BAZ2B: variants seen among roughly 807,000 people sequenced by gnomAD.
BAZ2B encodes the protein bromodomain adjacent to zinc finger domain 2B.
BAZ2B carries 91 observed loss-of-function variants against 246.0 expected under a neutral mutation model. That is an observed-to-expected ratio of 0.37 (90% CI 0.31 to 0.44). BAZ2B has a LOEUF of 0.44. Ranked by LOEUF, BAZ2B falls within the 20% of genes least tolerant of loss-of-function variation. The probability of loss-of-function intolerance (pLI) is 1.00; values close to 1 mark genes in which losing one functional copy is unlikely to be tolerated. For synonymous variants in BAZ2B, 855 were observed against 860.0 expected, an observed-to-expected ratio of 0.99 and a Z score of 0.10; for missense variants, 2,332 against 2,533.7, an observed-to-expected ratio of 0.92 and a Z score of 1.71.
chr2:159,615,230 T>G (rs1034651168), intron 1 of BAZ2B: 2 of 146,874 alleles, frequency 1.4e-5, no homozygotes, highest in African/African-American at 5.0e-5. Context: ...CAAATCCCAA[T>G]TCTGGGGTTC....
chr2:159,623,204 G>A, the BAZ2B span, among the ~76,000 whole-genome samples: 2 of 151,530 alleles, frequency 1.3e-5, no homozygotes, highest in Admixed American at 6.6e-5. Context: ...GAAAGAGCAA[G>A]AGCATGCACG....
Position 159,400,678 on chromosome 2 carries a change from TATG to T in BAZ2B, c.2833-17_2833-15del. ...CTTAATTTTTTCCTGTAGGAAAAGT[TATG>T]ATAACTTGAGATAATAAAATAAACT... On this transcript the variant is annotated splice_polypyrimidine_tract_variant and intron_variant, in intron 16 of 36. Transcript: ENST00000392783. The T allele has an allele frequency of 1.4e-6, 2 of 1,408,162 alleles. No individual in the cohort carries two copies. The highest frequency in any genetic ancestry group is 1.2e-5 in the South Asian group (1 of 81,816). 87.2% of individuals were successfully genotyped at this position (1,408,162 alleles called of 1,614,324 possible). A position where few individuals can be genotyped will look rare whatever the true frequency, so the allele number is the denominator to read the frequency against.
At chr2:159,336,686 G>A (rs1387527492) in intron 33 of BAZ2B, among the ~76,000 whole-genome samples, 2 of 152,176 alleles carry the variant, frequency 1.3e-5, no homozygotes, top group Non-Finnish European at 1.5e-5. Flanking sequence ...TGGAATGTGG[G>A]AGACAACTTC....
chr2:159,631,569 T>C, the BAZ2B span, among the ~76,000 whole-genome samples: 2 of 152,236 alleles, frequency 1.3e-5, no homozygotes, highest in African/African-American at 4.8e-5. Context: ...ATTGGTGTCA[T>C]GTCAAAAGGA....
intron 2 of BAZ2B, among the ~76,000 whole-genome samples, chr2:159,547,401 C>T (rs1188011206): frequency 6.6e-6 from 1 of 152,150 alleles, no homozygotes; most frequent in Non-Finnish European, 1.5e-5. Context: ...AAAATTCTTT[C>T]TCCTCCATGG....
intron 35 of BAZ2B, 120 bp from the exon 36 acceptor site, chr2:159,325,074 A>AT (rs2063376212): frequency 5.4e-4 from 2 of 3,726 alleles, no homozygotes; most frequent in African/African-American, 2.1e-3. Context: ...ATATATATAT[A>AT]TATTATATAT....
chr2:159,701,132 A>G, the BAZ2B span, among the ~76,000 whole-genome samples: 10 of 152,190 alleles, frequency 6.6e-5, 1 homozygote, highest in Non-Finnish European at 1.0e-4. Context: ...AATAAAATGT[A>G]TTTCTAATCA....
At chr2:159,667,742 T>C in the BAZ2B span, among the ~76,000 whole-genome samples, 8 of 152,124 alleles carry the variant, frequency 5.3e-5, no homozygotes, top group Non-Finnish European at 4.4e-5. Flanking sequence ...TTTGATTCTG[T>C]TCCATTGGTC....
intron 10 of BAZ2B, among the ~76,000 whole-genome samples, chr2:159,429,654 T>C (rs2070711566): frequency 6.6e-6 from 1 of 152,168 alleles, no homozygotes; most frequent in Admixed American, 6.5e-5. Context: ...AGCTGGCTCA[T>C]ATATTTAAAG....
chr2:159,377,711 G>C (rs2061550094), intron 25 of BAZ2B, among the ~76,000 whole-genome samples: 3 of 151,460 alleles, frequency 2.0e-5, no homozygotes, highest in African/African-American at 7.3e-5. Context: ...TACTCGGGAG[G>C]CTGAGGCAGG....
chr2:159,462,841 C>T lies in BAZ2B; in HGVS notation c.146-9040G>A, dbSNP rs113148433. 65 of 1,582,400 alleles carry T rather than the reference C, an allele frequency of 4.1e-5. 1 individual carries two copies. Among genetic ancestry groups the T allele is most frequent in the Admixed American group, 1.8e-4 (11 of 59,982 alleles). ...TTTTTAGCATAAACAGTACAGAAGCCGTTGGAATAATGGTCTTTCACATAG... is the reference window on the plus strand; with the variant it reads ...TTTTTAGCATAAACAGTACAGAAGCTGTTGGAATAATGGTCTTTCACATAG... On this transcript the variant is annotated intron_variant, in intron 3 of 36. Transcript: ENST00000392783.
chr2:159,421,540 A>G (rs1014214809), intron 13 of BAZ2B, among the ~76,000 whole-genome samples: 2 of 152,154 alleles, frequency 1.3e-5, no homozygotes, highest in Admixed American at 6.5e-5. Context: ...TTTAAAGGTA[A>G]TAATTACATT....
At chr2:159,631,008 A>G in the BAZ2B span, among the ~76,000 whole-genome samples, 6 of 152,116 alleles carry the variant, frequency 3.9e-5, no homozygotes, top group African/African-American at 1.4e-4. Flanking sequence ...AGCCTCGGCA[A>G]CGTGGTGAAA....
chr2:159,527,843 C>T (rs964439770), intron 2 of BAZ2B, among the ~76,000 whole-genome samples: 1 of 152,070 alleles, frequency 6.6e-6, no homozygotes, highest in East Asian at 1.9e-4. Flanking sequence ...ATGAGTGCAC[C>T]TGACTTACCC....
intron 11 of BAZ2B, 47 bp from the exon 12 acceptor site, chr2:159,428,466 A>T: frequency 2.1e-6 from 3 of 1,446,054 alleles, no homozygotes; most frequent in Non-Finnish European, 2.9e-6. Flanking sequence ...ATTTCAAGAA[A>T]GCTTTTAAAA....
intron 1 of BAZ2B, among the ~76,000 whole-genome samples, chr2:159,605,542 C>T (rs763646490): frequency 1.3e-5 from 2 of 151,904 alleles, no homozygotes; most frequent in African/African-American, 4.8e-5. Flanking sequence ...AAAGGTGGCT[C>T]ATATTAAAAT....
chr2:159,671,280 T>C, the BAZ2B span, among the ~76,000 whole-genome samples: 2 of 152,280 alleles, frequency 1.3e-5, no homozygotes, highest in African/African-American at 4.8e-5. Flanking sequence ...TATAATTCAT[T>C]TGGGTCACTG....
chr2:159,347,239 A>G (rs1040236027), intron 31 of BAZ2B, among the ~76,000 whole-genome samples: 3 of 152,196 alleles, frequency 2.0e-5, no homozygotes, highest in African/African-American at 7.2e-5. Flanking sequence ...ACTAAAAAGA[A>G]CATGGGCTCT....
At chr2:159,609,583 C>T (rs1232216100) in intron 1 of BAZ2B, among the ~76,000 whole-genome samples, 1 of 151,976 alleles carries the variant, frequency 6.6e-6, no homozygotes, top group Non-Finnish European at 1.5e-5. Context: ...ACACATATTC[C>T]AAAAATTACA....
Sources: allele counts gnomAD v4.1 joint callset (sites outside exome capture counted in the v4.1 genomes callset), GRCh38; gene constraint gnomAD v4.1.1; transcripts MANE v1.5; gene names NCBI Gene and HGNC (gene_info 2026-07-23, HGNC 2026-07-21).